AQR: variants seen among roughly 807,000 people sequenced by gnomAD.
AQR encodes aquarius intron-binding spliceosomal factor, also known as RNA helicase aquarius.
A neutral mutation model predicts 180.5 loss-of-function variants in AQR; 61 were observed. The observed-to-expected ratio is 0.34, with a 90% CI of 0.28 to 0.42. The LOEUF (loss-of-function observed/expected upper bound fraction) is 0.42. Ranked by LOEUF, AQR falls within the 10% of genes least tolerant of loss-of-function variation. The pLI, the probability that AQR is intolerant of heterozygous loss-of-function variation, is 1.00. For synonymous variants in AQR, 551 were observed against 588.8 expected, an observed-to-expected ratio of 0.94 and a Z score of 0.93; for missense variants, 1,281 against 1,798.3, an observed-to-expected ratio of 0.71 and a Z score of 5.20.
At position 34,854,792 on chromosome 15, in the gene AQR, T is replaced by C. The variant is rs1211751030; in HGVS notation, c.*2000A>G. 1 of 152,178 alleles carries C rather than the reference T, an allele frequency of 6.6e-6. No homozygotes were observed. Among genetic ancestry groups the C allele is most frequent in the Non-Finnish European group, 1.5e-5 (1 of 68,026 alleles). 9.4% of individuals were successfully genotyped at this position (152,178 alleles called of 1,614,324 possible). On this transcript the variant is annotated 3_prime_UTR_variant, in exon 35 of 35. Coordinates refer to ENST00000156471, the MANE Select transcript of AQR (RefSeq NM_014691.3). The stretch of plus-strand genomic sequence containing the variant: ...AGAGTGATGTACATTGCTTGGACAA[T>C]AGTTAAGGAGAGAGCACTTAACAGC...
rs1894074468 is a variant in AQR at position 34,944,237 on chromosome 15, T to C, written c.471+51A>G. 2.0e-6 allele frequency: 3 copies of C among 1,514,378 alleles called. No homozygotes were observed. The South Asian group carries it at 3.9e-5, about 20-fold the overall frequency. The allele number at this position is 1,514,378 out of a possible 1,614,324, so 93.8% of individuals were successfully genotyped here. A position where few individuals can be genotyped will look rare whatever the true frequency, so the allele number is the denominator to read the frequency against. ...GAGGTAATTTCATCTAAACTCAACC[T>C]AAAAGAACAAGAAAACTTGAAAATT... On this transcript the variant is annotated intron_variant, in intron 6 of 34. Transcript: ENST00000156471.
At chr15:34,910,761 T>A (rs190297406) in intron 16 of AQR, among the ~76,000 whole-genome samples, 2 of 152,364 alleles carry the variant, frequency 1.3e-5, no homozygotes, top group East Asian at 3.8e-4. Context: ...ATGTATACAC[T>A]GTGATATCAT....
intron 1 of AQR, among the ~76,000 whole-genome samples, chr15:34,967,976 C>A (rs1343849374): frequency 2.0e-5 from 3 of 151,642 alleles, no homozygotes; most frequent in Admixed American, 6.6e-5. Context: ...ACCAAGCCTG[C>A]CTACTTTTGT....
At position 34,944,307 on chromosome 15, in the gene AQR, T is replaced by C; in HGVS notation, c.452A>G (p.Asp151Gly). ...AAGTACCAAACTATTGAAGCAATGA[T>C]CAAGAAAAAGTAGTAAGACTGTCTG... is the stretch of plus-strand genomic sequence containing the variant. ...HEQTVLLLFL[D>G]HCFNSLEVDL... The change falls in exon 6 of 35, where the codon GAT becomes GGT. Residue 151 changes from aspartate to glycine, a missense_variant. This residue lies in a region of AQR where 404 missense variants were observed against 490.9 expected (regional missense o/e 0.82). Coordinates refer to ENST00000156471, the MANE Select transcript of AQR (RefSeq NM_014691.3). 6.3e-7 allele frequency: 1 copy of C among 1,594,328 alleles called. No individual in the cohort carries two copies. The highest frequency in any genetic ancestry group is 8.5e-7 in the Non-Finnish European group (1 of 1,173,858).
intron 16 of AQR, among the ~76,000 whole-genome samples, chr15:34,914,049 G>A (rs992366990): frequency 6.6e-6 from 1 of 152,208 alleles, no homozygotes; most frequent in Non-Finnish European, 1.5e-5. Context: ...TCCATAATTA[G>A]TAAGCAGAAG....
intron 30 of AQR, among the ~76,000 whole-genome samples, chr15:34,872,615 T>A (rs1892835762): frequency 6.6e-6 from 1 of 152,124 alleles, no homozygotes; most frequent in African/African-American, 2.4e-5. Context: ...TTGAACTAGG[T>A]TCTAATATTT....
At chr15:34,928,034 C>T (rs1389830204) in intron 12 of AQR, among the ~76,000 whole-genome samples, 2 of 152,186 alleles carry the variant, frequency 1.3e-5, no homozygotes, top group African/African-American at 4.8e-5. Context: ...CAATAGACCA[C>T]ATGCCACACC....
chr15:34,905,821 C>T (rs756598566), intron 18 of AQR, among the ~76,000 whole-genome samples: 5 of 152,104 alleles, frequency 3.3e-5, no homozygotes, highest in Non-Finnish European at 5.9e-5. Flanking sequence ...TCAAAAGATC[C>T]TGTCCCAGAG....
chr15:34,898,656 G>A (rs979544969), intron 20 of AQR, among the ~76,000 whole-genome samples: 3 of 152,132 alleles, frequency 2.0e-5, no homozygotes, highest in Non-Finnish European at 2.9e-5. Context: ...AGGCCGAGGC[G>A]GGTGAATCAC....
At chr15:34,892,423 G>C (rs1017254937) in intron 23 of AQR, among the ~76,000 whole-genome samples, 1 of 152,172 alleles carries the variant, frequency 6.6e-6, no homozygotes. Flanking sequence ...AAAAGTTCTA[G>C]TTTAGTGTAG....
rs1271185975 is a variant in AQR, at chr15:34,893,678, A to G, written c.2556T>C (p.Val852=). 1.9e-6 allele frequency: 3 copies of G among 1,604,588 alleles called. No homozygotes were observed. The East Asian group carries it at 6.8e-5, about 36-fold the overall frequency. The change falls in exon 23 of 35, where the codon GTT becomes GTC. Residue 852 remains valine, a synonymous_variant. Coordinates refer to ENST00000156471, the MANE Select transcript of AQR (RefSeq NM_014691.3). ...AGTCATTTACCTGATTGGAATGAGT[A>G]ACAATTAGAGTCCTCTGTTCTGGGA... ...HNFPEQRTLI[V]THSNQALNQL...
At chr15:34,929,648 G>C (rs904557055) in intron 12 of AQR, among the ~76,000 whole-genome samples, 54 of 152,238 alleles carry the variant, frequency 3.5e-4, no homozygotes, top group African/African-American at 1.3e-3. Flanking sequence ...GGAGAAGAGA[G>C]ATCTCTTAAG....
chr15:34,933,352 C>A (rs1472700125), intron 10 of AQR, among the ~76,000 whole-genome samples: 1 of 152,100 alleles, frequency 6.6e-6, no homozygotes, highest in South Asian at 2.1e-4. Context: ...GATTTTCTTT[C>A]AATTTCTCTC....
rs745524210 is a variant in AQR, at chr15:34,876,026, G to C, written c.3166-20C>G. 1 of 1,591,738 alleles carries C rather than the reference G, an allele frequency of 6.3e-7. No homozygotes were observed. The highest frequency in any genetic ancestry group is 8.6e-7 in the Non-Finnish European group (1 of 1,162,230). ...GTCATACTAAGAAAGAGGAAATCTT[G>C]TCATAAAGACAGCTTAAAAGTCAAA... On this transcript the variant is annotated intron_variant, in intron 27 of 34. Coordinates refer to ENST00000156471, the MANE Select transcript of AQR (RefSeq NM_014691.3).
Position 34,969,653 on chromosome 15 carries a change from C to G in AQR, c.-40G>C, listed in dbSNP as rs200116349. On this transcript the variant is annotated 5_prime_UTR_variant, in exon 1 of 35. Transcript: ENST00000156471. Reference sequence around the variant, plus strand: ...CTCCACTCCAGTGGAAACTAAAGGACCGCTCTGGGCAGCGGCAACCCTGGT... The same window carrying G: ...CTCCACTCCAGTGGAAACTAAAGGAGCGCTCTGGGCAGCGGCAACCCTGGT... The G allele has an allele frequency of 1.6e-3, 2,539 of 1,599,806 alleles. 4 individuals carry two copies. Among genetic ancestry groups the G allele is most frequent in the Admixed American group, 2.1e-3 (119 of 57,678 alleles).
intron 20 of AQR, among the ~76,000 whole-genome samples, 194 bp from the exon 21 acceptor site, chr15:34,897,899 A>C (rs1220620675): frequency 3.3e-5 from 5 of 152,224 alleles, no homozygotes; most frequent in Non-Finnish European, 7.3e-5. Flanking sequence ...TTTCAAATTT[A>C]AAAAAGTCAC....
At chr15:34,908,699 T>C (rs1893455883) in intron 17 of AQR, among the ~76,000 whole-genome samples, 1 of 152,224 alleles carries the variant, frequency 6.6e-6, no homozygotes, top group Non-Finnish European at 1.5e-5. Context: ...CTCATGTCCT[T>C]CTGAAAGCAG....
At chr15:34,919,740 A>C (rs1893655031) in intron 14 of AQR, among the ~76,000 whole-genome samples, 1 of 152,060 alleles carries the variant, frequency 6.6e-6, no homozygotes, top group Admixed American at 6.6e-5. Context: ...TCTACTCAAA[A>C]TACAAAAATT....
intron 3 of AQR, among the ~76,000 whole-genome samples, chr15:34,954,091 T>A (rs1414719099): frequency 1.3e-5 from 2 of 152,074 alleles, no homozygotes; most frequent in African/African-American, 4.8e-5. Flanking sequence ...ATGTTTTGTA[T>A]TTTTAGTAGA....
Sources: gnomAD v4.1 joint callset for allele counts (sites outside exome capture counted in the v4.1 genomes callset) on GRCh38, gnomAD v4.1.1 for gene constraint, gnomAD v4.1.1 regional missense constraint, MANE v1.5 for transcripts, NCBI Gene and HGNC (gene_info 2026-07-23, HGNC 2026-07-21) for gene names.